Variants in DLC1 observed in about 807,000 individuals in gnomAD.
The protein encoded by DLC1 is DLC1 Rho GTPase activating protein.
Under a neutral mutation model 140.3 loss-of-function variants are expected in DLC1, and 54 were observed. That is an observed-to-expected ratio of 0.38 (90% CI 0.31 to 0.48). DLC1 has a LOEUF of 0.48. DLC1 is among the 20% of genes least tolerant of loss of function. DLC1 has a pLI of 0.96. For synonymous variants in DLC1, 986 were observed against 728.1 expected, an observed-to-expected ratio of 1.35 and a Z score of -5.70; for missense variants, 2,536 against 1,907.0, an observed-to-expected ratio of 1.33 and a Z score of -6.14.
chr8:13,197,246 A>C (rs1373528090), intron 5 of DLC1, among the ~76,000 whole-genome samples: 2 of 152,250 alleles, frequency 1.3e-5, no homozygotes, highest in African/African-American at 4.8e-5. Flanking sequence ...GGCTAGAATT[A>C]TATCAACATA....
chr8:13,289,578 GC>G (rs1223528505), intron 5 of DLC1, among the ~76,000 whole-genome samples: 30 of 152,116 alleles, frequency 2.0e-4, no homozygotes, highest in Admixed American at 1.3e-3. Flanking sequence ...CAATCCTCCT[GC>G]CTTGGCCTTC....
rs1252415090 is a variant in DLC1 at position 13,442,573 on chromosome 8, A to G, written c.1024-40954T>C. Among the ~76,000 whole-genome samples, 5 of 152,386 alleles carry G rather than the reference A, an allele frequency of 3.3e-5. No homozygotes were observed. In the East Asian group the frequency reaches 9.6e-4, roughly 29 times the overall value. On this transcript the variant is annotated intron_variant, in intron 2 of 17. Coordinates refer to ENST00000276297, the MANE Select transcript of DLC1 (RefSeq NM_182643.3). ...GTGAACAGACACTTCTCAAAAGAAG[A>G]CATTTATGCAGCCAAAAGACACATG...
chr8:13,189,118 T>C (rs977367562), intron 5 of DLC1, among the ~76,000 whole-genome samples: 2 of 152,028 alleles, frequency 1.3e-5, no homozygotes, highest in Non-Finnish European at 2.9e-5. Context: ...AGACATAGTT[T>C]TTCATGATAA....
chr8:13,093,040 T>A (rs944056768), intron 12 of DLC1, among the ~76,000 whole-genome samples: 2 of 151,994 alleles, frequency 1.3e-5, no homozygotes, highest in Admixed American at 6.6e-5. Flanking sequence ...AGTGAAAAAA[T>A]TTTTAAACAC....
chr8:13,287,224 A>T (rs1283727325), intron 5 of DLC1, among the ~76,000 whole-genome samples: 1 of 152,138 alleles, frequency 6.6e-6, no homozygotes, highest in African/African-American at 2.4e-5. Flanking sequence ...AACTAATCAA[A>T]GTGTGGCCAA....
At chr8:13,551,266 C>T (rs950820488) in intron 1 of DLC1, among the ~76,000 whole-genome samples, 3 of 152,020 alleles carry the variant, frequency 2.0e-5, no homozygotes, top group Non-Finnish European at 4.4e-5. Context: ...TTCAATCTAG[C>T]ATGCATTGTT....
chr8:13,111,072 G>A (rs953172361), intron 6 of DLC1, among the ~76,000 whole-genome samples: 1 of 152,194 alleles, frequency 6.6e-6, no homozygotes, highest in Non-Finnish European at 1.5e-5. Flanking sequence ...AGGAGAAGTG[G>A]TTCAGAACAT....
At position 13,397,663 on chromosome 8, in the gene DLC1, T is replaced by C. The variant is rs144706857; in HGVS notation, c.1173+3807A>G. On this transcript the variant is annotated intron_variant, in intron 3 of 17. Transcript: ENST00000276297. ...GGGCAATGTAGAGAAACCCCATCTC[T>C]ACAAAAATTAAAAAAAAAAAAAATT... Among the ~76,000 whole-genome samples the C allele has an allele frequency of 9.2e-5, 12 of 130,364 alleles. No individual in the cohort carries two copies. The East Asian group carries it at 3.3e-3, about 36-fold the overall frequency. 85.5% of individuals were successfully genotyped at this position (130,364 alleles called of 152,430 possible). A position where few individuals can be genotyped will look rare whatever the true frequency, so the allele number is the denominator to read the frequency against.
chr8:13,181,497 C>G (rs974952131), intron 5 of DLC1, among the ~76,000 whole-genome samples: 1 of 150,274 alleles, frequency 6.7e-6, no homozygotes, highest in South Asian at 2.2e-4. Flanking sequence ...GCCCCCCACC[C>G]CATGTCCGGT....
chr8:13,510,434 C>T lies in DLC1; in HGVS notation c.-126+4168G>A, dbSNP rs144500719. On this transcript the variant is annotated intron_variant, in intron 1 of 17. Transcript: ENST00000276297. ...TCAGGTGATCTGACTGCCTTGGCCT[C>T]CCATATTCTTTCTTGATTAATTGAC... Among the ~76,000 whole-genome samples, 338 of 152,186 alleles carry T rather than the reference C, an allele frequency of 2.2e-3. 5 individuals are homozygous for T. The highest frequency in any genetic ancestry group is 7.9e-3 in the African/African-American group (330 of 41,528).
chr8:13,304,959 C>G, intron 5 of DLC1: 2 of 1,030,536 alleles, frequency 1.9e-6, no homozygotes, highest in Non-Finnish European at 2.3e-6. Context: ...AACTAATTTC[C>G]AAATTCATTC....
intron 1 of DLC1, among the ~76,000 whole-genome samples, chr8:13,501,550 T>A (rs1048831727): frequency 6.6e-6 from 1 of 152,222 alleles, no homozygotes; most frequent in Non-Finnish European, 1.5e-5. Flanking sequence ...ATCTCTTTAG[T>A]CTATTCTATT....
chr8:13,327,762 C>T (rs1833431373), intron 4 of DLC1, among the ~76,000 whole-genome samples: 1 of 152,146 alleles, frequency 6.6e-6, no homozygotes, highest in South Asian at 2.1e-4. Context: ...TTGTCTCTGG[C>T]CTTATGAAGC....
chr8:13,305,373 C>T lies in DLC1; in HGVS notation c.1315-71G>A, dbSNP rs17191754. 84,540 of 1,456,518 alleles carry T rather than the reference C, an allele frequency of 0.058. 2,859 individuals carry two copies. Among genetic ancestry groups the T allele is most frequent in the South Asian group, 0.12 (8,505 of 69,262 alleles). The allele number at this position is 1,456,518 out of a possible 1,614,324, so 90.2% of individuals were successfully genotyped here. On this transcript the variant is annotated intron_variant, in intron 4 of 17. Coordinates refer to ENST00000276297, the MANE Select transcript of DLC1 (RefSeq NM_182643.3). ...TCAGAAAGCATCATTAGAAATAAAA[C>T]GAAGTGTAATTAATGACGCAAAAAT... is the stretch of plus-strand genomic sequence containing the variant.
chr8:13,120,179 C>A (rs1014670847), intron 5 of DLC1, among the ~76,000 whole-genome samples: 1 of 150,476 alleles, frequency 6.6e-6, no homozygotes, highest in African/African-American at 2.4e-5. Context: ...CCCGTCCCTA[C>A]TAAAAATACA....
At chr8:13,157,659 G>A (rs972932958) in intron 5 of DLC1, among the ~76,000 whole-genome samples, 2 of 152,176 alleles carry the variant, frequency 1.3e-5, no homozygotes, top group Non-Finnish European at 2.9e-5. Flanking sequence ...AAAAAGGGAT[G>A]TCTTCAAAAA....
chr8:13,598,193 A>C (rs1166704245), intron 1 of DLC1, among the ~76,000 whole-genome samples: 1 of 152,154 alleles, frequency 6.6e-6, no homozygotes, highest in Non-Finnish European at 1.5e-5. Flanking sequence ...AGAGTATAAA[A>C]ATAAAATGGG....
At chr8:13,351,997 G>T (rs911732890) in intron 4 of DLC1, among the ~76,000 whole-genome samples, 6 of 152,208 alleles carry the variant, frequency 3.9e-5, no homozygotes, top group South Asian at 2.1e-4. Flanking sequence ...GCCTCCCAAA[G>T]TGCTGGGATT....
At chr8:13,310,163 T>C (rs775378816) in intron 4 of DLC1, among the ~76,000 whole-genome samples, 2 of 152,212 alleles carry the variant, frequency 1.3e-5, no homozygotes, top group Non-Finnish European at 2.9e-5. Flanking sequence ...TATTTTTTTG[T>C]CCTGCAGTAC....
Sources: allele counts gnomAD v4.1 joint callset (sites outside exome capture counted in the v4.1 genomes callset), GRCh38; gene constraint gnomAD v4.1.1; transcripts MANE v1.5; gene names NCBI Gene and HGNC (gene_info 2026-07-23, HGNC 2026-07-21).